NOX4: variants seen among roughly 807,000 people sequenced by gnomAD.
NOX4 encodes NADPH oxidase 4, also known as kidney oxidase-1.
In NOX4, 69 loss-of-function variants were observed where a neutral mutation model predicts 87.6. The observed-to-expected ratio is 0.79, with a 90% confidence interval of 0.65 to 0.96. The LOEUF is 0.96. NOX4 is among the 40% of genes least tolerant of loss of function. The pLI, the probability that NOX4 is intolerant of heterozygous loss-of-function variation, is 0.00. For synonymous variants in NOX4, 275 were observed against 238.2 expected (o/e 1.15, Z -1.42); for missense variants, 680 against 681.5 (o/e 1.00, Z 0.02).
At chr11:89,403,266 A>G (rs1014210196) in intron 8 of NOX4, among the ~76,000 whole-genome samples, 6 of 152,192 alleles carry the variant, frequency 3.9e-5, no homozygotes, top group African/African-American at 1.4e-4. Flanking sequence ...GAAGTGGTTA[A>G]CATCTACCTA....
chr11:89,425,572 C>T (rs374396928), intron 7 of NOX4, among the ~76,000 whole-genome samples: 189 of 151,396 alleles, frequency 1.2e-3, no homozygotes, highest in South Asian at 9.2e-3. Context: ...TAAATTTAGG[C>T]AAAAAGTAAA....
chr11:89,368,474 C>T (rs1453260953), intron 12 of NOX4, among the ~76,000 whole-genome samples: 8 of 152,070 alleles, frequency 5.3e-5, no homozygotes, highest in South Asian at 2.1e-4. Context: ...GTCTGCTCTC[C>T]GCTTCTAAGC....
At chr11:89,480,898 G>A (rs2135470090) in intron 2 of NOX4, among the ~76,000 whole-genome samples, 1 of 152,210 alleles carries the variant, frequency 6.6e-6, no homozygotes, top group African/African-American at 2.4e-5. Context: ...ATTAAGTAAT[G>A]TTTTGTTGAA....
At chr11:89,470,424 GATGA>G (rs372500876) in intron 2 of NOX4, among the ~76,000 whole-genome samples, 4 of 151,976 alleles carry the variant, frequency 2.6e-5, no homozygotes, top group Non-Finnish European at 4.4e-5. Flanking sequence ...ATATATGGTG[GATGA>G]ATGAATGAAT....
At chr11:89,336,498 C>A (rs1945721516) in intron 16 of NOX4, among the ~76,000 whole-genome samples, 1 of 152,052 alleles carries the variant, frequency 6.6e-6, no homozygotes, top group East Asian at 1.9e-4. Context: ...CAGCTCAAGA[C>A]AGCAAAACTC....
In NOX4 at chr11:89,400,015, A is replaced by T; in HGVS notation, c.1074+2T>A. ...TGAAAAAGCAAGAGATATGTTTCTT[A>T]CCATTGTGAGGGTAAATGGATGATT... On this transcript the variant is annotated splice_donor_variant, in intron 11 of 17. Transcript: ENST00000263317. LOFTEE classifies it high-confidence loss of function. The T allele has an allele frequency of 1.2e-6, 2 of 1,604,182 alleles. No individual in the cohort carries two copies. The highest frequency in any genetic ancestry group is 1.7e-6 in the Non-Finnish European group (2 of 1,172,896).
At chr11:89,569,989 GA>G in the NOX4 span, among the ~76,000 whole-genome samples, 2 of 142,468 alleles carry the variant, frequency 1.4e-5, no homozygotes, top group African/African-American at 5.2e-5. Context: ...GCGACAGAGC[GA>G]GACTCTGTCT....
chr11:89,407,304 T>C (rs750385178), intron 8 of NOX4, among the ~76,000 whole-genome samples: 1 of 152,038 alleles, frequency 6.6e-6, no homozygotes, highest in Non-Finnish European at 1.5e-5. Flanking sequence ...AAGACATTAG[T>C]GAATGGTAAA....
the NOX4 span, among the ~76,000 whole-genome samples, chr11:89,562,775 G>T: frequency 2.0e-5 from 3 of 152,188 alleles, no homozygotes; most frequent in Non-Finnish European, 4.4e-5. Context: ...CCTATGCTTT[G>T]TGTATTTATG....
chr11:89,400,101 A>C, intron 10 of NOX4, 22 bp from the exon 11 acceptor site: 1 of 1,587,160 alleles, frequency 6.3e-7, no homozygotes, highest in Non-Finnish European at 8.6e-7. Flanking sequence ...CAAACAGATA[A>C]GTTTTAAATG....
the NOX4 span, among the ~76,000 whole-genome samples, chr11:89,523,170 C>A: frequency 6.6e-6 from 1 of 152,000 alleles, no homozygotes; most frequent in Non-Finnish European, 1.5e-5. Flanking sequence ...ACTACAGGCA[C>A]GTGTCACCAA....
the NOX4 span, among the ~76,000 whole-genome samples, chr11:89,536,534 C>G: frequency 7.6e-4 from 115 of 152,206 alleles, 1 homozygote; most frequent in African/African-American, 2.6e-3. Context: ...TGTTGTAGAG[C>G]CGCTGCAAGA....
intron 17 of NOX4, among the ~76,000 whole-genome samples, chr11:89,334,878 T>C (rs1017221559): frequency 2.6e-5 from 4 of 151,618 alleles, no homozygotes; most frequent in Non-Finnish European, 4.4e-5. Flanking sequence ...ATAAATTGAA[T>C]TTTAATAAAA....
At chr11:89,537,372 AAT>A in the NOX4 span, among the ~76,000 whole-genome samples, 3 of 151,674 alleles carry the variant, frequency 2.0e-5, no homozygotes, top group African/African-American at 7.3e-5. Context: ...AATCTCTCTC[AAT>A]AGTTATACAT....
intron 13 of NOX4, among the ~76,000 whole-genome samples, chr11:89,349,736 C>A (rs1946376748): frequency 6.6e-6 from 1 of 152,120 alleles, no homozygotes; most frequent in South Asian, 2.1e-4. Context: ...ACAGTTTATT[C>A]TTGTATTTTC....
intron 12 of NOX4, among the ~76,000 whole-genome samples, chr11:89,365,255 G>A (rs1252508382): frequency 2.0e-5 from 3 of 152,022 alleles, no homozygotes; most frequent in Non-Finnish European, 4.4e-5. Flanking sequence ...CTATTTCTGT[G>A]ATACTCATTA....
chr11:89,440,372 T>G (rs528062937), intron 6 of NOX4, among the ~76,000 whole-genome samples: 2 of 152,218 alleles, frequency 1.3e-5, no homozygotes, highest in Admixed American at 6.6e-5. Context: ...CAGGCTGGAG[T>G]GCAGTGGCGC....
intron 7 of NOX4, among the ~76,000 whole-genome samples, chr11:89,429,919 C>G (rs1943684961): frequency 6.6e-6 from 1 of 152,130 alleles, no homozygotes; most frequent in South Asian, 2.1e-4. Context: ...AATTTTAGAC[C>G]AATATCCTTG....
At chr11:89,572,198 C>T in the NOX4 span, among the ~76,000 whole-genome samples, 1 of 152,224 alleles carries the variant, frequency 6.6e-6, no homozygotes, top group Non-Finnish European at 1.5e-5. Context: ...GGGCCATGTC[C>T]TTAACCTTGG....
Sources: gnomAD v4.1 joint callset for allele counts (sites outside exome capture counted in the v4.1 genomes callset) on GRCh38, gnomAD v4.1.1 for gene constraint, MANE v1.5 for transcripts, NCBI Gene and HGNC (gene_info 2026-07-23, HGNC 2026-07-21) for gene names.